ADCY6: variants seen among roughly 807,000 people sequenced by gnomAD.
ADCY6 encodes adenylate cyclase type 6.
Under a neutral mutation model 111.6 loss-of-function variants are expected in ADCY6, and 59 were observed. The observed-to-expected ratio is 0.53, with a 90% confidence interval of 0.43 to 0.66. ADCY6 has a LOEUF of 0.66. Ranked by LOEUF, ADCY6 falls within the 30% of genes least tolerant of loss-of-function variation. The probability of loss-of-function intolerance (pLI) is 0.00; values close to 1 mark genes in which losing one functional copy is unlikely to be tolerated. For synonymous variants in ADCY6, 576 were observed against 642.9 expected (o/e 0.90, Z 1.57); for missense variants, 1,242 against 1,595.6 (o/e 0.78, Z 3.78).
Position 48,774,724 on chromosome 12 carries a change from G to A in ADCY6, c.2133C>T (p.Thr711=), listed in dbSNP as rs200574206. The A allele has an allele frequency of 3.5e-5, 56 of 1,613,980 alleles. No homozygotes were observed. Among genetic ancestry groups the A allele is most frequent in the Admixed American group, 8.3e-5 (5 of 60,004 alleles). ...AGGAGTACACAGCACAGATCAGCAC[G>A]GTGATTAGCAGCAGCAGGAAGATGC... ...YASIFLLLLI[T]VLICAVYSCG... is the part of the protein sequence containing the mutation. Residue 711 remains threonine, a synonymous_variant, in exon 13 of 22, where the codon ACC becomes ACT. Coordinates refer to ENST00000357869, the MANE Select transcript of ADCY6 (RefSeq NM_015270.5).
At position 48,771,851 on chromosome 12, in the gene ADCY6, G is replaced by C; in HGVS notation, c.2910C>G (p.Leu970=). ...CCACACACTCACACGACTGATAGTA[G>C]AGTTCATCATTGCGGCGCTCCCGGG... The part of the protein sequence containing the change: ...FLARERRNDE[L]YYQSCECVAV... Residue 970 remains leucine (L), a synonymous_variant, in exon 19 of 22, where the codon CTC becomes CTG. Coordinates refer to ENST00000357869, the MANE Select transcript of ADCY6 (RefSeq NM_015270.5). The surrounding 1 kb of genome is among the most constrained non-coding windows in gnomAD (Gnocchi z 4.3). 4 of 1,614,202 alleles carry C rather than the reference G, an allele frequency of 2.5e-6. 1 individual carries two copies. The highest frequency in any genetic ancestry group is 2.7e-5 in the African/African-American group (2 of 75,052).
chr12:48,783,573 C>T (rs1592165448), intron 1 of ADCY6, 135 bp from the exon 2 acceptor site: 1 of 1,494,880 alleles, frequency 6.7e-7, no homozygotes, highest in East Asian at 2.3e-5. Flanking sequence ...GTTTCATCCT[C>T]ATAAAATTAC....
At chr12:48,786,337 T>C (rs1479404936) in intron 1 of ADCY6, among the ~76,000 whole-genome samples, 2 of 152,112 alleles carry the variant, frequency 1.3e-5, no homozygotes, top group Admixed American at 1.3e-4. Context: ...TTCTCCTATA[T>C]CCCACAGAGC....
chr12:48,771,570 C>A lies in ADCY6; in HGVS notation c.3051+140G>T. ...CCTTCATGGGTTCTTGCCTCTGCCT[C>A]CACTGTGCATACCCTTACCCCTGAT... On this transcript the variant is annotated intron_variant, in intron 19 of 21. Transcript: ENST00000357869. This position sits in a 1 kb window ranked among gnomAD's most constrained non-coding sequence, Gnocchi z 4.3. 7.2e-7 allele frequency: 1 copy of A among 1,388,542 alleles called. No homozygotes were observed. The highest frequency in any genetic ancestry group is 1.0e-6 in the Non-Finnish European group (1 of 992,742). 86.0% of individuals were successfully genotyped at this position (1,388,542 alleles called of 1,614,324 possible).
At position 48,778,242 on chromosome 12, in the gene ADCY6, G is replaced by C. The variant is rs1273334353; in HGVS notation, c.880C>G (p.Leu294Val). Residue 294 changes from leucine to valine, a missense_variant, in exon 3 of 22, where the codon CTG becomes GTG. Around this residue, in one of 4 missense-constraint regions of ADCY6, gnomAD observed 260 missense variants for 414.6 expected, o/e 0.63. Coordinates refer to ENST00000357869, the MANE Select transcript of ADCY6 (RefSeq NM_015270.5). Reference sequence around the variant, plus strand: ...ATGACGTTGGTGCAGAGGAACAGCAGCACATTGGCACCGAGCTGCAGGAGG... The same window carrying C: ...ATGACGTTGGTGCAGAGGAACAGCACCACATTGGCACCGAGCTGCAGGAGG... ...FLWKQLGANV[L>V]LFLCTNVIGI... 1 of 1,614,116 alleles carries C rather than the reference G, an allele frequency of 6.2e-7. No homozygotes were observed. The highest frequency in any genetic ancestry group is 8.5e-7 in the Non-Finnish European group (1 of 1,180,020).
At chr12:48,769,102 G>C in intron 20 of ADCY6, 41 bp from the exon 21 acceptor site, 1 of 1,552,784 alleles carries the variant, frequency 6.4e-7, no homozygotes, top group Non-Finnish European at 8.7e-7. Flanking sequence ...GGATGCTCCA[G>C]GGTAAACCCA....
In ADCY6 at chr12:48,774,483, G is replaced by C. The variant is rs1256134708; in HGVS notation, c.2202C>G (p.Ser734Arg). The change falls in exon 14 of 22, where the codon AGC becomes AGG. Residue 734 changes from serine (S) to arginine (R), a missense_variant. Coordinates refer to ENST00000357869, the MANE Select transcript of ADCY6 (RefSeq NM_015270.5). Reference protein sequence around the residue: ...FPKALQRLSRSIVRSRAHSTA... With the variant: ...FPKALQRLSRRIVRSRAHSTA... Reference sequence around the variant, plus strand: ...TGCTATGTGCCCGTGAGCGGACAATGCTGCGGGACAGACGTTGCAGGGCCT... The same window carrying C: ...TGCTATGTGCCCGTGAGCGGACAATCCTGCGGGACAGACGTTGCAGGGCCT... 6.2e-7 allele frequency: 1 copy of C among 1,613,922 alleles called. No homozygotes were observed. Among genetic ancestry groups the C allele is most frequent in the Non-Finnish European group, 8.5e-7 (1 of 1,179,994 alleles).
chr12:48,770,030 G>A (rs1031775409), intron 20 of ADCY6, among the ~76,000 whole-genome samples: 6 of 151,620 alleles, frequency 4.0e-5, no homozygotes, highest in African/African-American at 1.5e-4. Context: ...CAAAGTGCTG[G>A]GATTACAGGC....
chr12:48,767,078 C>T lies in ADCY6; in HGVS notation c.*1513G>A, dbSNP rs1941395456. 1 of 152,668 alleles carries T rather than the reference C, an allele frequency of 6.6e-6. No homozygotes were observed. The highest frequency in any genetic ancestry group is 2.1e-4 in the South Asian group (1 of 4,832). 9.5% of individuals were successfully genotyped at this position (152,668 alleles called of 1,614,324 possible). ...AAAGCCAAGTTTAAGGTTCCTCTTC[C>T]CCACCCCGTAGTACCAGTATCCAGG... On this transcript the variant is annotated 3_prime_UTR_variant, in exon 22 of 22. Transcript: ENST00000357869.
chr12:48,775,434 C>A lies in ADCY6; in HGVS notation c.1849G>T (p.Ala617Ser), dbSNP rs1012657864. The change falls in exon 11 of 22, where the codon GCC (alanine) becomes TCC (serine). Residue 617 changes from alanine (A) to serine (S), a missense_variant. By Grantham distance (99) the Ala-to-Ser change is moderately conservative. Coordinates refer to ENST00000357869, the MANE Select transcript of ADCY6 (RefSeq NM_015270.5). The stretch of plus-strand genomic sequence containing the variant: ...TCCACCTCATCCTCAGGGTTCAGGG[C>A]ATCTTGGGTGCCCCGGCTGAGGGCA... ...SSKDNRGTQD[A>S]LNPEDEVDEF... 4 of 1,613,980 alleles carry A rather than the reference C, an allele frequency of 2.5e-6. No individual in the cohort carries two copies. Among genetic ancestry groups the A allele is most frequent in the Non-Finnish European group, 2.5e-6 (3 of 1,180,026 alleles).
In ADCY6 at chr12:48,782,932, G is replaced by T; in HGVS notation, c.503C>A (p.Ala168Asp). 6.2e-7 allele frequency: 1 copy of T among 1,613,474 alleles called. No homozygotes were observed. Among genetic ancestry groups the T allele is most frequent in the Non-Finnish European group, 8.5e-7 (1 of 1,179,914 alleles). ...VLVLLTAVLL[A>D]FHAAPARPQP... ...AGGGCGGGCGGGTGCGGCGTGGAAAGCCAGCAGCACCGCTGTGAGCAGCAC... is the reference window on the plus strand; with the variant it reads ...AGGGCGGGCGGGTGCGGCGTGGAAATCCAGCAGCACCGCTGTGAGCAGCAC... Residue 168 changes from alanine (A) to aspartate (D), a missense_variant, in exon 2 of 22, where the codon GCT becomes GAT. By Grantham distance (126) the Ala-to-Asp change is moderately radical. Around this residue, in one of 4 missense-constraint regions of ADCY6, gnomAD observed 362 missense variants for 377.2 expected, o/e 0.96. Transcript: ENST00000357869. The surrounding 1 kb of genome is among the most constrained non-coding windows in gnomAD (Gnocchi z 4.3).
chr12:48,774,836 T>C (rs1941651334), intron 12 of ADCY6, 58 bp from the exon 13 acceptor site: 1 of 1,568,472 alleles, frequency 6.4e-7, no homozygotes, highest in South Asian at 1.1e-5. Flanking sequence ...GGCATTCTTG[T>C]CCCACCCTCT....
Position 48,778,872 on chromosome 12 carries a change from A to ATTTTTTT in ADCY6, c.865-622_865-616dup, listed in dbSNP as rs1037254707. On this transcript the variant is annotated intron_variant, in intron 2 of 21. Coordinates refer to ENST00000357869, the MANE Select transcript of ADCY6 (RefSeq NM_015270.5). ...GTGTCTTCTATACACTGAATAACACATTTTTTTTTTTTTTTTTTTTTTTTT... is the reference window on the plus strand; with the variant it reads ...GTGTCTTCTATACACTGAATAACACATTTTTTTTTTTTTTTTTTTTTTTTTTTTTTTT... 1.1e-3 allele frequency among the ~76,000 whole-genome samples: 80 copies of ATTTTTTT among 72,414 alleles called. 17 individuals are homozygous for ATTTTTTT. The highest frequency in any genetic ancestry group is 4.6e-3 in the African/African-American group (77 of 16,734). The allele number at this position is 72,414 out of a possible 152,430, so 47.5% of individuals were successfully genotyped here.
intron 11 of ADCY6, 67 bp from the exon 12 acceptor site, chr12:48,775,121 G>A: frequency 2.7e-6 from 4 of 1,467,290 alleles, no homozygotes; most frequent in Non-Finnish European, 3.7e-6. Flanking sequence ...GCAAGGACAG[G>A]GCACTACCAG....
intron 2 of ADCY6, among the ~76,000 whole-genome samples, chr12:48,780,235 G>A (rs1308678793): frequency 2.6e-5 from 4 of 152,308 alleles, no homozygotes; most frequent in African/African-American, 9.6e-5. Flanking sequence ...GATGCCAGGG[G>A]ACCGGAGGAG....
rs749961717 is a variant in ADCY6 at position 48,777,726 on chromosome 12, A to G, written c.1025T>C (p.Leu342Pro). ...AACGTGCTGGGGCAATACCGACAGC[A>G]GCAGCCGCTCCTAGCCCAGTGGTTC... is the stretch of plus-strand genomic sequence containing the variant. ...QHENRQQERL[L>P]LSVLPQHVAM... The change falls in exon 4 of 22, where the codon CTG becomes CCG. Residue 342 changes from leucine (L) to proline (P), a missense_variant. Transcript: ENST00000357869. The surrounding 1 kb of genome is among the most constrained non-coding windows in gnomAD (Gnocchi z 4.9). 1 of 1,614,158 alleles carries G rather than the reference A, an allele frequency of 6.2e-7. No individual in the cohort carries two copies. Among genetic ancestry groups the G allele is most frequent in the South Asian group, 1.1e-5 (1 of 91,082 alleles).
intron 1 of ADCY6, among the ~76,000 whole-genome samples, chr12:48,788,538 C>G (rs1448919058): frequency 1.3e-5 from 2 of 152,036 alleles, no homozygotes; most frequent in Non-Finnish European, 2.9e-5. Context: ...GTTCCTCTCC[C>G]CTAAATGGAA....
chr12:48,774,194 G>T, intron 14 of ADCY6, 96 bp from the exon 15 acceptor site: 1 of 1,257,478 alleles, frequency 8.0e-7, no homozygotes, highest in South Asian at 1.4e-5. Context: ...CTATGCCCAG[G>T]TACCTTATAC....
At chr12:48,784,339 T>G (rs1182209862) in intron 1 of ADCY6, among the ~76,000 whole-genome samples, 5 of 143,894 alleles carry the variant, frequency 3.5e-5, no homozygotes, top group African/African-American at 1.3e-4. Flanking sequence ...TAAAATAAAA[T>G]AAAATACAAA....
Sources: allele counts gnomAD v4.1 joint callset (sites outside exome capture counted in the v4.1 genomes callset), GRCh38; gene constraint gnomAD v4.1.1; regional missense constraint gnomAD v4.1.1; non-coding constraint Gnocchi (gnomAD v3.1); transcripts MANE v1.5; gene names NCBI Gene and HGNC (gene_info 2026-07-23, HGNC 2026-07-21).